The following PARD3B variants were observed in gnomAD, a reference collection of about 807,000 sequenced individuals.
PARD3B encodes the protein partitioning defective 3 homolog B.
In PARD3B, 103 loss-of-function variants were observed where a neutral mutation model predicts 130.2. The observed-to-expected ratio is 0.79, with a 90% confidence interval of 0.67 to 0.93. PARD3B has a LOEUF of 0.93. Among genes scored for constraint, PARD3B ranks in the 40% least tolerant of loss-of-function variants. The probability of loss-of-function intolerance (pLI) is 0.00; values close to 1 mark genes in which losing one functional copy is unlikely to be tolerated. For synonymous variants in PARD3B, 583 were observed against 553.2 expected, an observed-to-expected ratio of 1.05 and a Z score of -0.76; for missense variants, 1,609 against 1,499.2, an observed-to-expected ratio of 1.07 and a Z score of -1.21.
chr2:205,347,589 A>G (rs1461626914), intron 18 of PARD3B, among the ~76,000 whole-genome samples: 1 of 152,212 alleles, frequency 6.6e-6, no homozygotes, highest in East Asian at 1.9e-4. Context: ...GAAGAATCCT[A>G]GGATACTTTA....
intron 2 of PARD3B, among the ~76,000 whole-genome samples, chr2:204,817,919 T>A (rs1371785914): frequency 6.6e-6 from 1 of 151,852 alleles, no homozygotes; most frequent in Non-Finnish European, 1.5e-5. Context: ...TGGAAAAAAC[T>A]TTTTTTCAGG....
At chr2:205,046,880 T>A (rs1178390690) in intron 3 of PARD3B, among the ~76,000 whole-genome samples, 2 of 152,244 alleles carry the variant, frequency 1.3e-5, no homozygotes, top group African/African-American at 4.8e-5. Flanking sequence ...CTGGCTCTGC[T>A]AAGGTTGAAT....
At chr2:205,148,512 C>T (rs2033525298) in intron 10 of PARD3B, among the ~76,000 whole-genome samples, 1 of 152,152 alleles carries the variant, frequency 6.6e-6, no homozygotes, top group Non-Finnish European at 1.5e-5. Context: ...CCCAGTGCTT[C>T]TTCAGAAGAT....
At chr2:205,139,343 T>C (rs1213642107) in intron 10 of PARD3B, among the ~76,000 whole-genome samples, 1 of 152,060 alleles carries the variant, frequency 6.6e-6, no homozygotes, top group Non-Finnish European at 1.5e-5. Context: ...ATGAATGAAT[T>C]ACAAACATTA....
In PARD3B at chr2:205,558,376, C is replaced by G. The variant is rs375597062; in HGVS notation, c.3260+4973C>G. 1.3e-5 allele frequency among the ~76,000 whole-genome samples: 2 copies of G among 152,142 alleles called. No individual in the cohort carries two copies. The highest frequency in any genetic ancestry group is 2.9e-5 in the Non-Finnish European group (2 of 68,028). On this transcript the variant is annotated intron_variant, in intron 22 of 22. Transcript: ENST00000406610. The surrounding 1 kb of genome is among the most constrained non-coding windows in gnomAD (Gnocchi z 4.8). ...GAGATCCAGAGATACTGCTAAGATA[C>G]TCCTATTATCTCAGGACCGGGCAGT...
chr2:205,013,895 A>G (rs1038388867), intron 3 of PARD3B, among the ~76,000 whole-genome samples: 12 of 152,212 alleles, frequency 7.9e-5, no homozygotes, highest in African/African-American at 2.9e-4. Context: ...GGAACAATTT[A>G]GACCATTTGA....
At chr2:205,371,466 T>C (rs944337036) in intron 18 of PARD3B, among the ~76,000 whole-genome samples, 1 of 152,162 alleles carries the variant, frequency 6.6e-6, no homozygotes, top group African/African-American at 2.4e-5. Flanking sequence ...GTCCTGAATG[T>C]TTGTGTTTAT....
At chr2:205,382,159 T>G (rs750214987) in intron 18 of PARD3B, among the ~76,000 whole-genome samples, 2 of 152,074 alleles carry the variant, frequency 1.3e-5, no homozygotes, top group Non-Finnish European at 2.9e-5. Context: ...TTTCAGTATC[T>G]AATCCAGGAT....
intron 2 of PARD3B, among the ~76,000 whole-genome samples, chr2:204,820,356 C>T (rs144128227): frequency 0.019 from 2,846 of 150,992 alleles, 90 homozygotes; most frequent in African/African-American, 0.066. Context: ...GGATTACAGG[C>T]GTGAGCCACC....
intron 2 of PARD3B, among the ~76,000 whole-genome samples, chr2:204,911,440 C>T (rs2047232044): frequency 6.6e-6 from 1 of 152,168 alleles, no homozygotes; most frequent in Non-Finnish European, 1.5e-5. Flanking sequence ...CAGGATACCA[C>T]TTGTATTTTT....
At chr2:204,697,325 G>A (rs2037658181) in intron 2 of PARD3B, among the ~76,000 whole-genome samples, 1 of 152,156 alleles carries the variant, frequency 6.6e-6, no homozygotes, top group African/African-American at 2.4e-5. Context: ...CAATTGAGAA[G>A]AGAGGGTTCA....
intron 10 of PARD3B, among the ~76,000 whole-genome samples, chr2:205,144,129 A>G (rs551922923): frequency 5.3e-5 from 8 of 152,310 alleles, no homozygotes; most frequent in African/African-American, 1.9e-4. Flanking sequence ...GGCCAATAAG[A>G]TGTTAGCAGA....
intron 2 of PARD3B, among the ~76,000 whole-genome samples, chr2:204,717,101 C>T (rs6435250): frequency 0.76 from 115,609 of 151,998 alleles, 44,974 homozygotes; most frequent in East Asian, 0.89. Context: ...CCTTAATTAT[C>T]GCAGAATGAA....
intron 19 of PARD3B, among the ~76,000 whole-genome samples, chr2:205,428,234 A>C (rs143134362): frequency 7.2e-4 from 109 of 152,206 alleles, no homozygotes; most frequent in African/African-American, 2.3e-3. Flanking sequence ...AAATTACGAA[A>C]ATTAGCCAGA....
At chr2:204,807,045 A>C (rs1021326956) in intron 2 of PARD3B, among the ~76,000 whole-genome samples, 2 of 152,142 alleles carry the variant, frequency 1.3e-5, no homozygotes, top group Non-Finnish European at 2.9e-5. Flanking sequence ...GAGCAAAGGC[A>C]TGTCTTACAT....
At chr2:204,751,337 A>G (rs911692872) in intron 2 of PARD3B, among the ~76,000 whole-genome samples, 1 of 152,198 alleles carries the variant, frequency 6.6e-6, no homozygotes, top group African/African-American at 2.4e-5. Context: ...AAACACAAAA[A>G]AATGCTTTCC....
At chr2:204,752,183 A>G (rs1001524612) in intron 2 of PARD3B, among the ~76,000 whole-genome samples, 2 of 152,192 alleles carry the variant, frequency 1.3e-5, no homozygotes, top group Non-Finnish European at 2.9e-5. Context: ...GATTATCTTT[A>G]AAAGTGTGGA....
rs2053224571 is a variant in PARD3B at position 205,563,801 on chromosome 2, C to A, written c.3260+10398C>A. On this transcript the variant is annotated intron_variant, in intron 22 of 22. Coordinates refer to ENST00000406610, the MANE Select transcript of PARD3B (RefSeq NM_001302769.2). The surrounding 1 kb of genome is among the most constrained non-coding windows in gnomAD (Gnocchi z 4.2). Reference sequence around the variant, plus strand: ...ATACCTGCCTTTTCCTTACAATTACCCTGTTCCTGTTGGGAACATACACAG... The same window carrying A: ...ATACCTGCCTTTTCCTTACAATTACACTGTTCCTGTTGGGAACATACACAG... Among the ~76,000 whole-genome samples, 1 of 152,150 alleles carries A rather than the reference C, an allele frequency of 6.6e-6. No individual in the cohort carries two copies. The highest frequency in any genetic ancestry group is 2.4e-5 in the African/African-American group (1 of 41,442).
chr2:205,193,186 A>G lies in PARD3B; in HGVS notation c.2025-19A>G, dbSNP rs760048357. 10 of 1,531,064 alleles carry G rather than the reference A, an allele frequency of 6.5e-6. No homozygotes were observed. In the East Asian group the frequency reaches 1.3e-4, roughly 21 times the overall value. 94.8% of individuals were successfully genotyped at this position (1,531,064 alleles called of 1,614,324 possible). On this transcript the variant is annotated intron_variant, in intron 14 of 22. Transcript: ENST00000406610. ...ATTTTATTCTAAACCTAAATACAACATATGGCTTCCTTCCACAGCTCTGGG... is the reference window on the plus strand; with the variant it reads ...ATTTTATTCTAAACCTAAATACAACGTATGGCTTCCTTCCACAGCTCTGGG...
Sources: gnomAD v4.1 joint callset for allele counts (sites outside exome capture counted in the v4.1 genomes callset) on GRCh38, gnomAD v4.1.1 for gene constraint, Gnocchi (gnomAD v3.1) non-coding constraint, MANE v1.5 for transcripts, NCBI Gene and HGNC (gene_info 2026-07-23, HGNC 2026-07-21) for gene names.